Variants in ZC3HAV1L observed in about 807,000 individuals in gnomAD.
ZC3HAV1L encodes the protein ZC3HAV1 like.
Under a neutral mutation model 28.2 loss-of-function variants are expected in ZC3HAV1L, and 23 were observed. The ratio of observed to expected loss-of-function variants is 0.82; its 90% CI spans 0.59 to 1.16. The LOEUF (loss-of-function observed/expected upper bound fraction) is 1.16. ZC3HAV1L is among the 50% of genes most tolerant of loss of function. The pLI is 0.00. For missense variants in ZC3HAV1L, 376 were observed against 387.7 expected (o/e 0.97, Z 0.25); for synonymous variants, 180 against 163.4 (o/e 1.10, Z -0.78).
At position 139,034,554 on chromosome 7, in the gene ZC3HAV1L, G is replaced by C; in HGVS notation, c.490C>G (p.Leu164Val). 1 of 1,614,168 alleles carries C rather than the reference G, an allele frequency of 6.2e-7. No homozygotes were observed. The highest frequency in any genetic ancestry group is 8.5e-7 in the Non-Finnish European group (1 of 1,180,024). ...CCTTGGTGACTCACCTCTGGTAAAA[G>C]ACAGGGGTCATTCTGCAAAAGCAGG... ...RILLLQNDPC[L>V]LPEVCLLYNK... The change falls in exon 2 of 5, where the codon CTT (leucine) becomes GTT (valine). Residue 164 changes from leucine (L) to valine (V), a missense_variant. Leu to Val is a conservative substitution (Grantham distance 32). Transcript: ENST00000275766.
chr7:139,022,779 C>A (rs1445919113), downstream of ZC3HAV1L, among the ~76,000 whole-genome samples: 1 of 152,204 alleles, frequency 6.6e-6, no homozygotes, highest in Non-Finnish European at 1.5e-5. Context: ...AAGAATGCTA[C>A]AAGAGTCACC....
rs1342996974 is a variant in ZC3HAV1L, at chr7:139,026,753, G to C, written c.841C>G (p.Pro281Ala). 1 of 1,614,154 alleles carries C rather than the reference G, an allele frequency of 6.2e-7. No homozygotes were observed. The highest frequency in any genetic ancestry group is 8.5e-7 in the Non-Finnish European group (1 of 1,180,032). The change falls in exon 4 of 5, where the codon CCT (proline) becomes GCT (alanine). Residue 281 changes from proline (P) to alanine (A), a missense_variant. Transcript: ENST00000275766. ...GACTGAGCAGGGACAGAAGCCAGAG[G>C]ACCAGCTTCTGCAGCTCCAGCTGCG... ...VHAAGAAEAG[P>A]LASVPAQSAK...
At position 139,026,694 on chromosome 7, in the gene ZC3HAV1L, C is replaced by A; in HGVS notation, c.886+14G>T. The A allele has an allele frequency of 1.2e-6, 2 of 1,613,878 alleles. No homozygotes were observed. The highest frequency in any genetic ancestry group is 1.7e-6 in the Non-Finnish European group (2 of 1,179,926). ...AAGCTTCTTCTTAGTTCACTGACCCCCTTTAAGGTTTACCTGGGCAGGGCT... is the reference window on the plus strand; with the variant it reads ...AAGCTTCTTCTTAGTTCACTGACCCACTTTAAGGTTTACCTGGGCAGGGCT... On this transcript the variant is annotated intron_variant, in intron 4 of 4. Coordinates refer to ENST00000275766, the MANE Select transcript of ZC3HAV1L (RefSeq NM_080660.4).
Position 139,035,941 on chromosome 7 carries a change from A to C in ZC3HAV1L, c.77T>G (p.Leu26Arg), listed in dbSNP as rs1815701786. ...AHGGRMFLKD[L>R]RGHVELSEAR... Reference sequence around the variant, plus strand: ...CTCCGACAGCTCCACGTGGCCGCGCAGGTCCTTCAGGAACATGCGGCCGCC... The same window carrying C: ...CTCCGACAGCTCCACGTGGCCGCGCCGGTCCTTCAGGAACATGCGGCCGCC... The change falls in exon 1 of 5, where the codon CTG (leucine) becomes CGG (arginine). Residue 26 changes from leucine (L) to arginine (R), a missense_variant. Physicochemically the swap from Leu to Arg is moderately radical, Grantham distance 102. Transcript: ENST00000275766. The C allele has an allele frequency of 3.3e-6, 5 of 1,516,712 alleles. No homozygotes were observed. Among genetic ancestry groups the C allele is most frequent in the Non-Finnish European group, 4.4e-6 (5 of 1,140,162 alleles). The allele number at this position is 1,516,712 out of a possible 1,614,324, so 94.0% of individuals were successfully genotyped here.
At chr7:139,031,159 C>CA (rs1341720537) in intron 2 of ZC3HAV1L, among the ~76,000 whole-genome samples, 1 of 151,952 alleles carries the variant, frequency 6.6e-6, no homozygotes, top group African/African-American at 2.4e-5. Context: ...AACAAACAAA[C>CA]AAAATTAGAC....
intron 3 of ZC3HAV1L, 41 bp downstream of exon 3, chr7:139,028,661 C>A: frequency 6.3e-7 from 1 of 1,594,574 alleles, no homozygotes; most frequent in South Asian, 1.1e-5. Context: ...ATCGCAAAAC[C>A]ATATCGCTGA....
chr7:139,035,372 C>T lies in ZC3HAV1L; in HGVS notation c.365+281G>A, dbSNP rs1030487717. 5 of 985,332 alleles carry T rather than the reference C, an allele frequency of 5.1e-6. No individual in the cohort carries two copies. The African/African-American group carries it at 8.7e-5, about 17-fold the overall frequency. The allele number at this position is 985,332 out of a possible 1,614,324, so 61.0% of individuals were successfully genotyped here. ...TCCGAAGTCCCAGTCCGGATTTAAC[C>T]CGGCCGCGTCGCGCAGGATCCGGGG... On this transcript the variant is annotated intron_variant, in intron 1 of 4. Transcript: ENST00000275766.
Position 139,036,008 on chromosome 7 carries a change from G to C in ZC3HAV1L, c.10C>G (p.Pro4Ala). 1.3e-6 allele frequency: 2 copies of C among 1,510,426 alleles called. No individual in the cohort carries two copies. Among genetic ancestry groups the C allele is most frequent in the Non-Finnish European group, 1.8e-6 (2 of 1,137,636 alleles). 93.6% of individuals were successfully genotyped at this position (1,510,426 alleles called of 1,614,324 possible). ...TTGGTGAGGAAGGAGCACACTGTGG[G>C]CTCCGCCATGGTCGCTGGCGCGGGC... MAE[P>A]TVCSFLTKVL... The change falls in exon 1 of 5, where the codon CCC becomes GCC. Residue 4 changes from proline (P) to alanine (A), a missense_variant. Physicochemically the swap from Pro to Ala is conservative, Grantham distance 27 (BLOSUM62 -1). Transcript: ENST00000275766.
intron 3 of ZC3HAV1L, 145 bp from the exon 4 acceptor site, chr7:139,026,978 G>A (rs1369072153): frequency 3.3e-6 from 3 of 906,422 alleles, no homozygotes; most frequent in Non-Finnish European, 4.8e-6. Context: ...TTAAAAAATT[G>A]TATGTGTGTG....
At chr7:139,035,229 A>G (rs372117343) in intron 1 of ZC3HAV1L, 17 of 985,322 alleles carry the variant, frequency 1.7e-5, no homozygotes, top group Middle Eastern at 5.2e-4. Flanking sequence ...CCGCTTCTGC[A>G]CAAGTGTGTG....
At chr7:139,030,666 A>G (rs1815499269) in intron 2 of ZC3HAV1L, among the ~76,000 whole-genome samples, 1 of 151,778 alleles carries the variant, frequency 6.6e-6, no homozygotes, top group Admixed American at 6.6e-5. Context: ...GTCTCTACCA[A>G]AAATACAAAA....
At position 139,033,969 on chromosome 7, in the gene ZC3HAV1L, G is replaced by A. The variant is rs929108349; in HGVS notation, c.501+574C>T. On this transcript the variant is annotated intron_variant, in intron 2 of 4. Coordinates refer to ENST00000275766, the MANE Select transcript of ZC3HAV1L (RefSeq NM_080660.4). Reference sequence around the variant, plus strand: ...ACCAGACTTGGCTTCAGTGCTCGAAGAAATGAAACAGGTTATGCATGTCAG... The same window carrying A: ...ACCAGACTTGGCTTCAGTGCTCGAAAAAATGAAACAGGTTATGCATGTCAG... The A allele has an allele frequency of 1.7e-5, 17 of 985,406 alleles. No individual in the cohort carries two copies. In the African/African-American group the frequency reaches 2.8e-4, roughly 16 times the overall value. The allele number at this position is 985,406 out of a possible 1,614,324, so 61.0% of individuals were successfully genotyped here. A position where few individuals can be genotyped will look rare whatever the true frequency, so the allele number is the denominator to read the frequency against.
intron 3 of ZC3HAV1L, among the ~76,000 whole-genome samples, 187 bp from the exon 4 acceptor site, chr7:139,027,020 G>A (rs79565778): frequency 0.038 from 5,749 of 152,142 alleles, 190 homozygotes; most frequent in South Asian, 0.14. Context: ...GAGAGCAAGC[G>A]GAAAGTCACT....
chr7:139,034,621 T>C lies in ZC3HAV1L; in HGVS notation c.423A>G (p.Lys141=), dbSNP rs376108992. ...CATTGAGACCAAAAAGTCCATGGCT[T>C]TTCAGGACCTGCATGTTGACAGGTG... ...IHTPVNMQVL[K]SHGLFGLNEN... is the part of the protein sequence containing the mutation. Residue 141 remains lysine, a synonymous_variant, in exon 2 of 5, where the codon AAA becomes AAG. Coordinates refer to ENST00000275766, the MANE Select transcript of ZC3HAV1L (RefSeq NM_080660.4). The C allele has an allele frequency of 1.6e-4, 261 of 1,613,860 alleles. No homozygotes were observed. Among genetic ancestry groups the C allele is most frequent in the Non-Finnish European group, 2.1e-4 (248 of 1,179,940 alleles).
At position 139,028,793 on chromosome 7, in the gene ZC3HAV1L, C is replaced by T; in HGVS notation, c.669G>A (p.Gln223=). 2 of 1,614,124 alleles carry T rather than the reference C, an allele frequency of 1.2e-6. No individual in the cohort carries two copies. Among genetic ancestry groups the T allele is most frequent in the South Asian group, 1.1e-5 (1 of 91,088 alleles). Reference sequence around the variant, plus strand: ...CACTTGGAATATTCAGTCCTTGGTCCTGTAGCAGCTTCAAAGATGCAGCAT... The same window carrying T: ...CACTTGGAATATTCAGTCCTTGGTCTTGTAGCAGCTTCAAAGATGCAGCAT... The part of the protein sequence containing the change: ...LIHAASLKLL[Q]DQGLNIPSVV... Residue 223 remains glutamine (Q), a synonymous_variant, in exon 3 of 5, where the codon CAG becomes CAA. Coordinates refer to ENST00000275766, the MANE Select transcript of ZC3HAV1L (RefSeq NM_080660.4).
rs1478837982 is a variant in ZC3HAV1L at position 139,026,724 on chromosome 7, G to C, written c.870C>G (p.Ala290=). The C allele has an allele frequency of 1.5e-5, 24 of 1,613,958 alleles. No individual in the cohort carries two copies. The highest frequency in any genetic ancestry group is 1.9e-5 in the Non-Finnish European group (23 of 1,180,012). ...AAGGTTTACCTGGGCAGGGCTTCTTGGCCGACTGAGCAGGGACAGAAGCCA... is the reference window on the plus strand; with the variant it reads ...AAGGTTTACCTGGGCAGGGCTTCTTCGCCGACTGAGCAGGGACAGAAGCCA... ...GPLASVPAQS[A]KKPCPVSCEK The change falls in exon 4 of 5, where the codon GCC becomes GCG. Residue 290 remains alanine, a synonymous_variant. Coordinates refer to ENST00000275766, the MANE Select transcript of ZC3HAV1L (RefSeq NM_080660.4).
At chr7:139,028,118 A>T (rs6953715) in intron 3 of ZC3HAV1L, among the ~76,000 whole-genome samples, 76,188 of 151,764 alleles carry the variant, frequency 0.5, 19,622 homozygotes, top group African/African-American at 0.54. Context: ...CTCATGCCTG[A>T]AATCCCAGCA....
chr7:139,022,395 G>T, downstream of ZC3HAV1L: 1 of 437,196 alleles, frequency 2.3e-6, no homozygotes, highest in Non-Finnish European at 4.6e-6. Context: ...AACCTAAAAA[G>T]ATTAGCTGAG....
At position 139,035,656 on chromosome 7, in the gene ZC3HAV1L, C is replaced by T; in HGVS notation, c.362G>A (p.Cys121Tyr). Reference protein sequence around the residue: ...HMLGKCPNRDCWSTCTLSHDI... With the variant: ...HMLGKCPNRDYWSTCTLSHDI... ...CCGCCCGCCGCCGCCTTCTCACCAG[C>T]AGTCCCGGTTGGGGCACTTGCCCAG... The change falls in exon 1 of 5, where the codon TGC (cysteine) becomes TAC (tyrosine). Residue 121 changes from cysteine (C) to tyrosine (Y), a missense_variant. Physicochemically the swap from Cys to Tyr is radical, Grantham distance 194 (BLOSUM62 -2). Transcript: ENST00000275766. 1 of 1,432,962 alleles carries T rather than the reference C, an allele frequency of 7.0e-7. No individual in the cohort carries two copies. Among genetic ancestry groups the T allele is most frequent in the Non-Finnish European group, 9.1e-7 (1 of 1,101,638 alleles). The allele number at this position is 1,432,962 out of a possible 1,614,324, so 88.8% of individuals were successfully genotyped here.
Sources: gnomAD v4.1 joint callset for allele counts (sites outside exome capture counted in the v4.1 genomes callset) on GRCh38, gnomAD v4.1.1 for gene constraint, MANE v1.5 for transcripts, NCBI Gene and HGNC (gene_info 2026-07-23, HGNC 2026-07-21) for gene names.